Variants in ARHGEF10L observed in about 807,000 individuals in gnomAD.
The protein encoded by ARHGEF10L is rho guanine nucleotide exchange factor 10-like protein.
ARHGEF10L carries 69 observed loss-of-function variants against 141.2 expected under a neutral mutation model. The observed-to-expected ratio is 0.49, with a 90% CI of 0.40 to 0.60. The LOEUF (loss-of-function observed/expected upper bound fraction) is 0.60. Among genes scored for constraint, ARHGEF10L ranks in the 20% least tolerant of loss-of-function variants. ARHGEF10L has a pLI of 0.00. For missense variants in ARHGEF10L, 1,482 were observed against 1,734.3 expected, an observed-to-expected ratio of 0.85 and a Z score of 2.58; for synonymous variants, 711 against 718.5, an observed-to-expected ratio of 0.99 and a Z score of 0.17.
rs77888973 is a variant in ARHGEF10L, at chr1:17,639,263, C to T, written c.2171+574C>T. 0.024 allele frequency among the ~76,000 whole-genome samples: 3,594 copies of T among 152,296 alleles called. 156 individuals are homozygous for T. The highest frequency in any genetic ancestry group is 0.083 in the African/African-American group (3,428 of 41,550). On this transcript the variant is annotated intron_variant, in intron 20 of 28. Transcript: ENST00000361221. The surrounding 1 kb of genome is among the most constrained non-coding windows in gnomAD (Gnocchi z 4.3). ...ATGAGGAAGGTGAGGCTCAGAGTTT[C>T]AGGAGAGGCTGAAGGCCACATCGTG... is the stretch of plus-strand genomic sequence containing the variant.
chr1:17,649,753 G>A (rs186953687), intron 22 of ARHGEF10L, among the ~76,000 whole-genome samples: 1 of 152,342 alleles, frequency 6.6e-6, no homozygotes, highest in Admixed American at 6.5e-5. Context: ...ACGTGGGTGG[G>A]CTGAGGTTCA....
At chr1:17,533,788 T>C in the ARHGEF10L span, among the ~76,000 whole-genome samples, 3 of 152,170 alleles carry the variant, frequency 2.0e-5, no homozygotes, top group Non-Finnish European at 4.4e-5. Flanking sequence ...CATCCTTATT[T>C]GTAGCAAAAC....
chr1:17,653,925 C>T (rs935412718), intron 22 of ARHGEF10L, among the ~76,000 whole-genome samples: 5 of 152,308 alleles, frequency 3.3e-5, no homozygotes, highest in African/African-American at 9.6e-5. Context: ...GGTCCAGGGA[C>T]GGCTGGGGCC....
chr1:17,665,534 T>G (rs979883591), intron 26 of ARHGEF10L, among the ~76,000 whole-genome samples: 12 of 152,174 alleles, frequency 7.9e-5, no homozygotes, highest in Non-Finnish European at 1.5e-5. Flanking sequence ...TTTTCTGGTG[T>G]TGTAGCAGCA....
At chr1:17,533,750 G>A in the ARHGEF10L span, among the ~76,000 whole-genome samples, 2 of 152,050 alleles carry the variant, frequency 1.3e-5, no homozygotes, top group Non-Finnish European at 2.9e-5. Context: ...ATGGAAGGAG[G>A]GTTTCATCTT....
intron 19 of ARHGEF10L, 40 bp from the exon 20 acceptor site, chr1:17,638,522 G>C: frequency 6.2e-7 from 1 of 1,612,310 alleles, no homozygotes; most frequent in Non-Finnish European, 8.5e-7. Context: ...TGGGGAGCCA[G>C]TGTGCTGTGT....
At chr1:17,567,012 G>A (rs2077783695) in intron 1 of ARHGEF10L, among the ~76,000 whole-genome samples, 1 of 152,170 alleles carries the variant, frequency 6.6e-6, no homozygotes, top group African/African-American at 2.4e-5. Flanking sequence ...AGATGTGACT[G>A]CCATCACTCT....
chr1:17,528,333 G>C, the ARHGEF10L span, among the ~76,000 whole-genome samples: 1 of 151,634 alleles, frequency 6.6e-6, no homozygotes, highest in East Asian at 1.9e-4. Context: ...TCCCACTTTA[G>C]CCTCCCAAGT....
chr1:17,655,430 A>G (rs1432530784), intron 23 of ARHGEF10L, among the ~76,000 whole-genome samples: 2 of 149,426 alleles, frequency 1.3e-5, no homozygotes, highest in South Asian at 2.2e-4. Context: ...CTATCTGTCT[A>G]TCATCTGTCC....
intron 26 of ARHGEF10L, among the ~76,000 whole-genome samples, chr1:17,671,922 A>T (rs1469496127): frequency 1.3e-5 from 2 of 152,154 alleles, no homozygotes; most frequent in Non-Finnish European, 2.9e-5. Flanking sequence ...CCCCTCAGGG[A>T]GATGGGCTCT....
At chr1:17,691,679 T>C (rs919074722) in intron 27 of ARHGEF10L, among the ~76,000 whole-genome samples, 6 of 152,040 alleles carry the variant, frequency 3.9e-5, no homozygotes, top group Non-Finnish European at 8.8e-5. Flanking sequence ...CTAAGAGCTG[T>C]GCTCAATTGT....
intron 26 of ARHGEF10L, among the ~76,000 whole-genome samples, chr1:17,685,179 A>G (rs1415668750): frequency 6.6e-6 from 1 of 152,192 alleles, no homozygotes; most frequent in African/African-American, 2.4e-5. Flanking sequence ...GGGCTGGACA[A>G]AGAAGCCAGC....
rs1423222203 is a variant in ARHGEF10L, at chr1:17,655,934, G to A, written c.2537G>A (p.Arg846Gln). Residue 846 changes from arginine to glutamine, a missense_variant, in exon 24 of 29, where the codon CGG (arginine) becomes CAG (glutamine). Physicochemically the swap from Arg to Gln is conservative, Grantham distance 43 (BLOSUM62 1). This residue lies in a region of ARHGEF10L where 858 missense variants were observed against 966.3 expected (regional missense o/e 0.89). Transcript: ENST00000361221. ...GGQVEIFSLNRPSPRTVKSFP... is the reference protein window; with the variant it reads ...GGQVEIFSLNQPSPRTVKSFP... ...CAGGTGGAAATCTTTTCCTTGAACC[G>A]GCCCTCGCCCCGCACCGTCAAGTCC... 2.0e-5 allele frequency: 31 copies of A among 1,558,650 alleles called. No homozygotes were observed. The highest frequency in any genetic ancestry group is 2.6e-5 in the Non-Finnish European group (30 of 1,151,068).
chr1:17,695,447 C>T (rs553997650), intron 28 of ARHGEF10L, among the ~76,000 whole-genome samples, 167 bp downstream of exon 28: 2 of 152,354 alleles, frequency 1.3e-5, no homozygotes, highest in South Asian at 4.1e-4. Flanking sequence ...ACTGAATCGT[C>T]CTGGCCCCAG....
Position 17,573,732 on chromosome 1 carries a change from C to A in ARHGEF10L, c.-43-6821C>A, listed in dbSNP as rs764745554. Reference sequence around the variant, plus strand: ...GTCCCCTCTGGCCTGGCCTCAGGGTCGGCTCCTTCCCACAGAGACCTACTC... The same window carrying A: ...GTCCCCTCTGGCCTGGCCTCAGGGTAGGCTCCTTCCCACAGAGACCTACTC... On this transcript the variant is annotated intron_variant, in intron 1 of 28. Coordinates refer to ENST00000361221, the MANE Select transcript of ARHGEF10L (RefSeq NM_018125.4). The surrounding 1 kb of genome is among the most constrained non-coding windows in gnomAD (Gnocchi z 4.8). Among the ~76,000 whole-genome samples the A allele has an allele frequency of 3.9e-5, 6 of 151,940 alleles. No homozygotes were observed. Among genetic ancestry groups the A allele is most frequent in the Non-Finnish European group, 7.4e-5 (5 of 67,942 alleles).
Position 17,621,278 on chromosome 1 carries a change from G to A in ARHGEF10L, c.943-586G>A, listed in dbSNP as rs756075784. On this transcript the variant is annotated intron_variant, in intron 10 of 28. Coordinates refer to ENST00000361221, the MANE Select transcript of ARHGEF10L (RefSeq NM_018125.4). The surrounding 1 kb of genome is among the most constrained non-coding windows in gnomAD (Gnocchi z 4.1). ...GATGGAGTCTTGCTCTGTTGCCCAG[G>A]CTGGAGTGCAGTGGCGCGATCTTGG... 6.6e-6 allele frequency among the ~76,000 whole-genome samples: 1 copy of A among 152,136 alleles called. No homozygotes were observed.
intron 7 of ARHGEF10L, among the ~76,000 whole-genome samples, chr1:17,611,977 G>GTCCA (rs60216346): frequency 0.15 from 23,255 of 150,092 alleles, 2,108 homozygotes; most frequent in African/African-American, 0.24. Flanking sequence ...CCATCGGTTT[G>GTCCA]TCCATCCATC....
At chr1:17,528,171 G>C in the ARHGEF10L span, among the ~76,000 whole-genome samples, 1 of 151,150 alleles carries the variant, frequency 6.6e-6, no homozygotes, top group African/African-American at 2.4e-5. Context: ...TTTTCCTCTT[G>C]GTTTTCTTTA....
Position 17,615,325 on chromosome 1 carries a change from C to G in ARHGEF10L, c.727-769C>G, listed in dbSNP as rs1035978537. ...TGTCAGGCCTGGGTTCCCCCAGCAC[C>G]TCGGATGCCCACTTCCCTCTTCTGG... On this transcript the variant is annotated intron_variant, in intron 8 of 28. Transcript: ENST00000361221. The surrounding 1 kb of genome is among the most constrained non-coding windows in gnomAD (Gnocchi z 4.7). The G allele has an allele frequency of 3.9e-5, 6 of 152,384 alleles. No homozygotes were observed. The East Asian group carries it at 5.8e-4, about 15-fold the overall frequency. 9.4% of individuals were successfully genotyped at this position (152,384 alleles called of 1,614,324 possible). A position where few individuals can be genotyped will look rare whatever the true frequency, so the allele number is the denominator to read the frequency against.
Sources: gnomAD v4.1 joint callset for allele counts (sites outside exome capture counted in the v4.1 genomes callset) on GRCh38, gnomAD v4.1.1 for gene constraint, gnomAD v4.1.1 regional missense constraint, Gnocchi (gnomAD v3.1) non-coding constraint, MANE v1.5 for transcripts, NCBI Gene and HGNC (gene_info 2026-07-23, HGNC 2026-07-21) for gene names.